The following DLG2 variants were observed in gnomAD, a reference collection of about 807,000 sequenced individuals.
The protein encoded by DLG2 is disks large homolog 2.
Under a neutral mutation model 132.5 loss-of-function variants are expected in DLG2, and 45 were observed. The observed-to-expected ratio is 0.34, with a 90% CI of 0.27 to 0.44. The LOEUF (loss-of-function observed/expected upper bound fraction) is 0.44. Among genes scored for constraint, DLG2 ranks in the 20% least tolerant of loss-of-function variants. The pLI, the probability that DLG2 is intolerant of heterozygous loss-of-function variation, is 1.00. For synonymous variants in DLG2, 424 were observed against 419.6 expected (o/e 1.01, Z -0.13); for missense variants, 1,045 against 1,196.9 (o/e 0.87, Z 1.87).
intron 6 of DLG2, chr11:84,545,473 C>A: frequency 2.4e-6 from 1 of 422,736 alleles, no homozygotes; most frequent in Non-Finnish European, 4.6e-6. Flanking sequence ...CCTCCACAAC[C>A]ACCACCAAAG....
chr11:84,654,405 T>C (rs1448355370), intron 6 of DLG2, among the ~76,000 whole-genome samples: 1 of 152,184 alleles, frequency 6.6e-6, no homozygotes, highest in African/African-American at 2.4e-5. Context: ...ATTGATCACT[T>C]TCCTGGGGGG....
chr11:83,632,260 G>C (rs1166955275), intron 19 of DLG2: 2 of 152,142 alleles, frequency 1.3e-5, no homozygotes, highest in Non-Finnish European at 2.9e-5. Flanking sequence ...TTCAACTCAA[G>C]CATGTAAATT....
intron 3 of DLG2, among the ~76,000 whole-genome samples, chr11:85,308,289 C>A (rs806064): frequency 0.81 from 120,987 of 150,078 alleles, 49,326 homozygotes; most frequent in Middle Eastern, 0.89. Context: ...AAAAAAAAAA[C>A]TGACCCACAA....
chr11:85,160,148 T>C (rs1444265329), intron 4 of DLG2, among the ~76,000 whole-genome samples: 3 of 152,098 alleles, frequency 2.0e-5, no homozygotes, highest in Non-Finnish European at 2.9e-5. Flanking sequence ...GCCTAGTGGG[T>C]GTACTTGGAT....
chr11:84,934,524 TG>T (rs67912619), intron 6 of DLG2, among the ~76,000 whole-genome samples: 3,886 of 63,806 alleles, frequency 0.061, 422 homozygotes, highest in East Asian at 0.25. Context: ...TGTTTTGTTT[TG>T]TTTTTTTTTT....
At position 84,214,248 on chromosome 11, in the gene DLG2, T is replaced by TACAC. The variant is rs1566951359; in HGVS notation, c.573+36989_573+36990insGTGT. On this transcript the variant is annotated intron_variant, in intron 8 of 27. Transcript: ENST00000376104. ...ATATATACATATATATGAATATATA[T>TACAC]ATACATATATATGAATATATATACA... 3.7e-4 allele frequency among the ~76,000 whole-genome samples: 52 copies of TACAC among 141,658 alleles called. 7 individuals are homozygous for TACAC. The highest frequency in any genetic ancestry group is 1.3e-3 in the African/African-American group (45 of 34,742). 92.9% of individuals were successfully genotyped at this position (141,658 alleles called of 152,430 possible).
chr11:85,347,796 T>C (rs2082954149), intron 3 of DLG2, among the ~76,000 whole-genome samples: 1 of 140,176 alleles, frequency 7.1e-6, no homozygotes, highest in Non-Finnish European at 1.5e-5. Flanking sequence ...TAAGAGGCAC[T>C]CTTTTTTTTT....
chr11:85,206,348 T>A (rs546047740), intron 4 of DLG2, among the ~76,000 whole-genome samples: 1 of 152,118 alleles, frequency 6.6e-6, no homozygotes, highest in Non-Finnish European at 1.5e-5. Context: ...GACTAATACA[T>A]AGTAGAAAGA....
At chr11:84,833,395 T>C (rs557633451) in intron 6 of DLG2, among the ~76,000 whole-genome samples, 11 of 151,692 alleles carry the variant, frequency 7.3e-5, no homozygotes, top group African/African-American at 2.7e-4. Context: ...AAAACTGGTT[T>C]TTATCTCACC....
At chr11:85,106,285 T>C (rs1009833757) in intron 6 of DLG2, among the ~76,000 whole-genome samples, 1 of 151,960 alleles carries the variant, frequency 6.6e-6, no homozygotes, top group Non-Finnish European at 1.5e-5. Flanking sequence ...TCCTTAAAAA[T>C]GGCTGTATAC....
At chr11:85,258,609 A>G (rs531172864) in intron 4 of DLG2, among the ~76,000 whole-genome samples, 1 of 152,340 alleles carries the variant, frequency 6.6e-6, no homozygotes, top group African/African-American at 2.4e-5. Context: ...TTGTAAGCAT[A>G]TACCAGGTAA....
At chr11:85,524,886 A>C (rs887143698) in intron 3 of DLG2, 4 of 152,186 alleles carry the variant, frequency 2.6e-5, no homozygotes, top group African/African-American at 9.7e-5. Flanking sequence ...GGGTGGACAC[A>C]AGATTGACAG....
chr11:84,140,240 G>A (rs1251970857), intron 9 of DLG2, among the ~76,000 whole-genome samples: 2 of 151,984 alleles, frequency 1.3e-5, no homozygotes, highest in Admixed American at 6.6e-5. Context: ...CCTCCTGAGC[G>A]TTTGTTTTCT....
At chr11:84,683,046 ATTT>A (rs1028080983) in intron 6 of DLG2, among the ~76,000 whole-genome samples, 4 of 152,178 alleles carry the variant, frequency 2.6e-5, no homozygotes, top group African/African-American at 9.6e-5. Flanking sequence ...CTCTGAGTAT[ATTT>A]GAGCAATGTT....
chr11:83,880,162 A>C (rs903081340), intron 15 of DLG2, among the ~76,000 whole-genome samples: 1 of 152,142 alleles, frequency 6.6e-6, no homozygotes, highest in Non-Finnish European at 1.5e-5. Context: ...GTCTGGTCTT[A>C]CACCTGTTGG....
At chr11:84,356,953 T>C (rs959415943) in intron 7 of DLG2, among the ~76,000 whole-genome samples, 6 of 151,988 alleles carry the variant, frequency 3.9e-5, no homozygotes, top group Non-Finnish European at 8.8e-5. Context: ...GGCTATTGGG[T>C]AGAAATCAGC....
chr11:83,670,012 T>G (rs1202202831), intron 18 of DLG2, among the ~76,000 whole-genome samples: 1 of 152,222 alleles, frequency 6.6e-6, no homozygotes, highest in African/African-American at 2.4e-5. Context: ...TTAAATTCTT[T>G]GGTCTCTTAG....
chr11:84,134,709 T>TGTGC, intron 9 of DLG2, among the ~76,000 whole-genome samples: 1 of 151,912 alleles, frequency 6.6e-6, no homozygotes, highest in Non-Finnish European at 1.5e-5. Flanking sequence ...TGTGTGTGTG[T>TGTGC]GTGTGTGTCT....
chr11:83,624,829 A>C (rs534253797), intron 19 of DLG2, among the ~76,000 whole-genome samples: 3 of 152,312 alleles, frequency 2.0e-5, no homozygotes, highest in East Asian at 3.9e-4. Flanking sequence ...ACAAAGTATA[A>C]AACAGAAGTT....
Sources: allele counts gnomAD v4.1 joint callset (sites outside exome capture counted in the v4.1 genomes callset), GRCh38; gene constraint gnomAD v4.1.1; transcripts MANE v1.5; gene names NCBI Gene and HGNC (gene_info 2026-07-23, HGNC 2026-07-21).